CLVS1: variants seen among roughly 807,000 people sequenced by gnomAD.
The protein encoded by CLVS1 is clavesin 1.
CLVS1 carries 10 observed loss-of-function variants against 33.1 expected under a neutral mutation model. That is an observed-to-expected ratio of 0.30 (90% CI 0.19 to 0.51). CLVS1 has a LOEUF of 0.51. CLVS1 is among the 20% of genes least tolerant of loss of function. The probability of loss-of-function intolerance (pLI) is 0.97; values close to 1 mark genes in which losing one functional copy is unlikely to be tolerated. For missense variants in CLVS1, 343 were observed against 433.4 expected, an observed-to-expected ratio of 0.79 and a Z score of 1.85; for synonymous variants, 163 against 166.1, an observed-to-expected ratio of 0.98 and a Z score of 0.14.
the CLVS1 span, chr8:60,966,398 G>A: frequency 4.4e-6 from 2 of 456,012 alleles, no homozygotes; most frequent in South Asian, 3.1e-5. Context: ...GCTCAGCTGT[G>A]GTCCCAGTGC....
At chr8:61,371,281 G>A (rs898685401) in intron 2 of CLVS1, among the ~76,000 whole-genome samples, 2 of 152,072 alleles carry the variant, frequency 1.3e-5, no homozygotes, top group Non-Finnish European at 2.9e-5. Context: ...TTGGCCCTTT[G>A]TATATCTTCT....
chr8:61,329,239 C>T (rs150054190), intron 2 of CLVS1, among the ~76,000 whole-genome samples: 1,762 of 151,580 alleles, frequency 0.012, 27 homozygotes, highest in African/African-American at 0.039. Flanking sequence ...CATCTCCTTG[C>T]TCATGGGCAA....
chr8:61,360,266 T>C (rs1277633986), intron 2 of CLVS1, among the ~76,000 whole-genome samples: 1 of 152,046 alleles, frequency 6.6e-6, no homozygotes, highest in Non-Finnish European at 1.5e-5. Context: ...TAATCACCTT[T>C]AAAAAACCCA....
chr8:61,257,111 T>C (rs932673610), intron 2 of CLVS1, among the ~76,000 whole-genome samples: 6 of 152,164 alleles, frequency 3.9e-5, no homozygotes, highest in Non-Finnish European at 7.3e-5. Flanking sequence ...TGGGGTAAAA[T>C]CAATTATAGC....
chr8:61,315,610 C>A (rs1176398531), intron 2 of CLVS1, among the ~76,000 whole-genome samples: 1 of 152,182 alleles, frequency 6.6e-6, no homozygotes, highest in Non-Finnish European at 1.5e-5. Flanking sequence ...TGACAAGGGT[C>A]ACCAGCTCTA....
intron 2 of CLVS1, among the ~76,000 whole-genome samples, chr8:61,282,588 A>C (rs1809694634): frequency 6.6e-6 from 1 of 152,236 alleles, no homozygotes; most frequent in African/African-American, 2.4e-5. Flanking sequence ...TTTATGAGTC[A>C]GTTTTCCTGG....
intron 2 of CLVS1, among the ~76,000 whole-genome samples, chr8:61,194,053 A>T (rs911173711): frequency 3.1e-5 from 2 of 65,572 alleles, no homozygotes; most frequent in Non-Finnish European, 8.9e-5. Flanking sequence ...AATACTATAT[A>T]AGAGAAAGAG....
chr8:61,150,946 C>G (rs1806520691), intron 2 of CLVS1, among the ~76,000 whole-genome samples: 1 of 152,150 alleles, frequency 6.6e-6, no homozygotes, highest in Non-Finnish European at 1.5e-5. Context: ...AACCAAAGCA[C>G]AACCTCAAAT....
At chr8:61,237,068 A>G (rs887583490) in intron 2 of CLVS1, among the ~76,000 whole-genome samples, 10 of 152,336 alleles carry the variant, frequency 6.6e-5, no homozygotes, top group African/African-American at 2.4e-4. Context: ...CCCAAAGAGA[A>G]ATATAACCAG....
the CLVS1 span, among the ~76,000 whole-genome samples, chr8:61,014,123 G>A: frequency 1.4e-5 from 2 of 147,622 alleles, no homozygotes; most frequent in African/African-American, 2.5e-5. Context: ...TAAAGGTGGC[G>A]TGGTCTCTTA....
chr8:61,071,941 C>T (rs896549530), intron 1 of CLVS1, among the ~76,000 whole-genome samples: 7 of 152,204 alleles, frequency 4.6e-5, no homozygotes, highest in African/African-American at 1.7e-4. Context: ...TCACACCCTG[C>T]CACTCTTATT....
chr8:61,197,809 A>G (rs1221631288), intron 2 of CLVS1, among the ~76,000 whole-genome samples: 7 of 152,134 alleles, frequency 4.6e-5, no homozygotes, highest in Non-Finnish European at 1.5e-5. Flanking sequence ...CATAAGCCAC[A>G]GTTTCATTCA....
the CLVS1 span, among the ~76,000 whole-genome samples, chr8:61,013,846 C>T: frequency 6.6e-6 from 1 of 152,168 alleles, no homozygotes; most frequent in Admixed American, 6.5e-5. Flanking sequence ...GATCCAGCTG[C>T]CCTCGCCAAG....
chr8:61,143,273 G>C (rs1806344528), intron 2 of CLVS1, among the ~76,000 whole-genome samples: 1 of 152,162 alleles, frequency 6.6e-6, no homozygotes, highest in Non-Finnish European at 1.5e-5. Context: ...CAGCAACTGT[G>C]GTGACCGTAC....
At chr8:61,032,398 A>G in the CLVS1 span, among the ~76,000 whole-genome samples, 2 of 152,190 alleles carry the variant, frequency 1.3e-5, no homozygotes, top group Admixed American at 6.5e-5. Flanking sequence ...CCACTTCGCT[A>G]TGGTTTTGCT....
intron 3 of CLVS1, among the ~76,000 whole-genome samples, chr8:61,425,180 A>C (rs1269469389): frequency 2.0e-5 from 3 of 152,136 alleles, no homozygotes; most frequent in Non-Finnish European, 4.4e-5. Flanking sequence ...CCATCTACCA[A>C]TCCTCTGATA....
At chr8:61,308,503 AGTGCTTCTTAG>A (rs1810712336) in intron 2 of CLVS1, among the ~76,000 whole-genome samples, 1 of 152,186 alleles carries the variant, frequency 6.6e-6, no homozygotes, top group Non-Finnish European at 1.5e-5. Flanking sequence ...GTCTGGGCTT[AGTGCTTCTTAG>A]AAAGAGCACA....
At chr8:61,352,664 T>C (rs901113604) in intron 2 of CLVS1, among the ~76,000 whole-genome samples, 2 of 151,780 alleles carry the variant, frequency 1.3e-5, no homozygotes, top group African/African-American at 4.8e-5. Flanking sequence ...ATGAAGGAAA[T>C]TGCATAATGA....
At chr8:61,139,257 G>A (rs13439567) in intron 2 of CLVS1, among the ~76,000 whole-genome samples, 1 of 152,090 alleles carries the variant, frequency 6.6e-6, no homozygotes, top group Non-Finnish European at 1.5e-5. Flanking sequence ...AGGCGCCGCG[G>A]GGGCAGCGGA....
Sources: gnomAD v4.1 joint callset for allele counts (sites outside exome capture counted in the v4.1 genomes callset) on GRCh38, gnomAD v4.1.1 for gene constraint, MANE v1.5 for transcripts, NCBI Gene and HGNC (gene_info 2026-07-23, HGNC 2026-07-21) for gene names.